PDE1C: variants seen among roughly 807,000 people sequenced by gnomAD.
PDE1C encodes phosphodiesterase 1C, also known as dual specificity calcium/calmodulin-dependent 3',5'-cyclic nucleotide phosphodiesterase 1C.
Under a neutral mutation model 93.1 loss-of-function variants are expected in PDE1C, and 62 were observed. That is an observed-to-expected ratio of 0.67 (90% confidence interval 0.54 to 0.82). PDE1C has a LOEUF of 0.82. Ranked by LOEUF, PDE1C falls within the 40% of genes least tolerant of loss-of-function variation. PDE1C has a pLI of 0.00. For missense variants in PDE1C, 742 were observed against 884.6 expected (o/e 0.84, Z 2.04); for synonymous variants, 325 against 310.1 (o/e 1.05, Z -0.50).
At chr7:32,272,821 T>C in intron 1 of PDE1C, among the ~76,000 whole-genome samples, 1 of 152,216 alleles carries the variant, frequency 6.6e-6, no homozygotes, top group Non-Finnish European at 1.5e-5. Flanking sequence ...TTGCCACCAT[T>C]AAGCAATGAA....
chr7:31,758,107 T>A (rs1202858185), intron 17 of PDE1C, among the ~76,000 whole-genome samples: 3 of 152,080 alleles, frequency 2.0e-5, no homozygotes, highest in African/African-American at 7.2e-5. Flanking sequence ...TGAGAACACT[T>A]GGGCACGAGA....
chr7:31,660,016 C>G, the PDE1C span, among the ~76,000 whole-genome samples: 6 of 152,128 alleles, frequency 3.9e-5, no homozygotes, highest in Admixed American at 3.9e-4. Flanking sequence ...CTCATGAAAT[C>G]TCATGATGGT....
intron 1 of PDE1C, among the ~76,000 whole-genome samples, chr7:32,354,029 T>C (rs1783983515): frequency 6.6e-6 from 1 of 152,216 alleles, no homozygotes; most frequent in Non-Finnish European, 1.5e-5. Context: ...TTTGGCATAT[T>C]CATTCCGTTT....
At chr7:32,350,577 TATATATATA>T (rs1292103415) in intron 1 of PDE1C, among the ~76,000 whole-genome samples, 6 of 726 alleles carry the variant, frequency 8.3e-3, no homozygotes, top group African/African-American at 9.9e-3. Flanking sequence ...TATATATATA[TATATATATA>T]TATATTTTTT....
intron 17 of PDE1C, among the ~76,000 whole-genome samples, chr7:31,756,242 G>A (rs6952967): frequency 0.45 from 68,442 of 151,858 alleles, 15,951 homozygotes; most frequent in African/African-American, 0.53. Context: ...TTCTTCCAGG[G>A]GATCAAGGTT....
At chr7:32,287,571 C>A (rs1477411261) in intron 1 of PDE1C, among the ~76,000 whole-genome samples, 1 of 152,236 alleles carries the variant, frequency 6.6e-6, no homozygotes, top group Non-Finnish European at 1.5e-5. Context: ...ACATAGTATT[C>A]CTAGTGCCTA....
chr7:31,997,829 C>T (rs1463587766), intron 2 of PDE1C, among the ~76,000 whole-genome samples: 1 of 152,088 alleles, frequency 6.6e-6, no homozygotes, highest in East Asian at 1.9e-4. Context: ...ACATGTGACC[C>T]TCTCAAATGC....
chr7:32,130,176 C>A (rs1799838443), intron 3 of PDE1C, among the ~76,000 whole-genome samples: 1 of 151,978 alleles, frequency 6.6e-6, no homozygotes, highest in Admixed American at 6.6e-5. Context: ...GCAGGACCAA[C>A]AGAAAAGTTA....
chr7:32,330,701 T>G (rs1783495704), intron 1 of PDE1C, among the ~76,000 whole-genome samples: 1 of 152,166 alleles, frequency 6.6e-6, no homozygotes, highest in African/African-American at 2.4e-5. Flanking sequence ...CAGGCCATGA[T>G]TCGCTTCACT....
the PDE1C span, among the ~76,000 whole-genome samples, chr7:31,731,217 G>T: frequency 6.6e-6 from 1 of 152,062 alleles, no homozygotes; most frequent in East Asian, 1.9e-4. Context: ...AGGGAAAATA[G>T]GAAGCACACC....
At chr7:31,625,214 G>A in the PDE1C span, among the ~76,000 whole-genome samples, 7 of 152,076 alleles carry the variant, frequency 4.6e-5, no homozygotes, top group African/African-American at 1.4e-4. Context: ...AGTCAGTGTG[G>A]CGATTCCTCA....
intron 1 of PDE1C, among the ~76,000 whole-genome samples, chr7:32,250,500 G>C (rs182697020): frequency 1.3e-5 from 2 of 152,164 alleles, no homozygotes; most frequent in African/African-American, 4.8e-5. Flanking sequence ...GATCCAGGTG[G>C]TCCACAAACC....
chr7:31,922,044 C>G (rs894255058), intron 2 of PDE1C, among the ~76,000 whole-genome samples: 1 of 152,024 alleles, frequency 6.6e-6, no homozygotes, highest in African/African-American at 2.4e-5. Context: ...AGATAAAATC[C>G]GAAACCTGTC....
At chr7:31,680,842 G>A in the PDE1C span, among the ~76,000 whole-genome samples, 1 of 152,130 alleles carries the variant, frequency 6.6e-6, no homozygotes, top group Non-Finnish European at 1.5e-5. Context: ...TGAGTGAAAG[G>A]GCAAAGAGGT....
chr7:32,151,247 A>C (rs1801235602), intron 3 of PDE1C, among the ~76,000 whole-genome samples: 1 of 152,136 alleles, frequency 6.6e-6, no homozygotes, highest in South Asian at 2.1e-4. Context: ...CAGAATGATA[A>C]AGGACTCCCC....
intron 17 of PDE1C, among the ~76,000 whole-genome samples, chr7:31,759,561 T>A (rs896745022): frequency 6.6e-6 from 1 of 152,178 alleles, no homozygotes; most frequent in Non-Finnish European, 1.5e-5. Flanking sequence ...GAGAAAATGA[T>A]CTAATTAGTT....
chr7:31,748,498 G>A (rs1794053349), downstream of PDE1C, among the ~76,000 whole-genome samples: 1 of 152,216 alleles, frequency 6.6e-6, no homozygotes, highest in Non-Finnish European at 1.5e-5. Flanking sequence ...TAAAGATGCA[G>A]TTAAAATATG....
At chr7:31,833,152 T>C (rs1035222776) in intron 11 of PDE1C, among the ~76,000 whole-genome samples, 2 of 152,198 alleles carry the variant, frequency 1.3e-5, no homozygotes, top group African/African-American at 4.8e-5. Flanking sequence ...GGAAACCCCT[T>C]TCACTTGGTT....
chr7:32,398,117 C>T (rs546191197), intron 1 of PDE1C, among the ~76,000 whole-genome samples: 1 of 149,502 alleles, frequency 6.7e-6, no homozygotes, highest in Non-Finnish European at 1.5e-5. Flanking sequence ...CGCGCCACTG[C>T]ACTCCAGCCT....
Sources: gnomAD v4.1 joint callset for allele counts (sites outside exome capture counted in the v4.1 genomes callset) on GRCh38, gnomAD v4.1.1 for gene constraint, MANE v1.5 for transcripts, NCBI Gene and HGNC (gene_info 2026-07-23, HGNC 2026-07-21) for gene names.